Variants in GUCY2C observed in about 807,000 individuals in gnomAD.
GUCY2C encodes guanylate cyclase 2C, also known as guanylyl cyclase C.
Under a neutral mutation model 131.1 loss-of-function variants are expected in GUCY2C, and 118 were observed. The observed-to-expected ratio is 0.90, with a 90% CI of 0.78 to 1.05. The LOEUF (loss-of-function observed/expected upper bound fraction) is 1.05, where lower values mean the gene tolerates loss of function less well. Ranked by LOEUF, GUCY2C falls within the 50% of genes least tolerant of loss-of-function variation. The probability of loss-of-function intolerance (pLI) is 0.00; values close to 1 mark genes in which losing one functional copy is unlikely to be tolerated. For synonymous variants in GUCY2C, 452 were observed against 457.8 expected (o/e 0.99, Z 0.16); for missense variants, 1,161 against 1,304.4 (o/e 0.89, Z 1.69).
In GUCY2C at chr12:14,640,787, G is replaced by C. The variant is rs145536117; in HGVS notation, c.2068+295C>G. Among the ~76,000 whole-genome samples the C allele has an allele frequency of 2.3e-3, 349 of 152,280 alleles. 3 individuals are homozygous for C. The highest frequency in any genetic ancestry group is 8.0e-3 in the African/African-American group (333 of 41,538). The stretch of plus-strand genomic sequence containing the variant: ...TAGAGTGATCTAGTTTAGATGTTAA[G>C]CAGGTACATTCTCTTATTGGAATCA... On this transcript the variant is annotated intron_variant, in intron 18 of 26. Transcript: ENST00000261170.
At chr12:14,617,380 G>T (rs984429635) in intron 24 of GUCY2C, among the ~76,000 whole-genome samples, 1 of 152,104 alleles carries the variant, frequency 6.6e-6, no homozygotes, top group Non-Finnish European at 1.5e-5. Flanking sequence ...GGATCCCTAG[G>T]TTTTTCTCCA....
chr12:14,694,983 T>C (rs1948631395), intron 1 of GUCY2C, among the ~76,000 whole-genome samples: 1 of 152,180 alleles, frequency 6.6e-6, no homozygotes, highest in South Asian at 2.1e-4. Context: ...ATATATCTTA[T>C]CATATATATC....
At position 14,686,184 on chromosome 12, in the gene GUCY2C, A is replaced by G. The variant is rs749532144; in HGVS notation, c.372T>C (p.Cys124=). The G allele has an allele frequency of 1.9e-6, 3 of 1,606,006 alleles. No individual in the cohort carries two copies. Among genetic ancestry groups the G allele is most frequent in the Non-Finnish European group, 1.7e-6 (2 of 1,172,636 alleles). The part of the protein sequence containing the change: ...RMGCVLIGPS[C]TYSTFQMYLD... ...ACTACATCTGGAAGGTGGAGTATGT[A>G]CATGAGGGCCCTATGAGGACACAGC... Residue 124 remains cysteine (C), a synonymous_variant, in exon 3 of 27, where the codon TGT becomes TGC. Transcript: ENST00000261170.
At chr12:14,644,963 G>A (rs901917912) in intron 16 of GUCY2C, among the ~76,000 whole-genome samples, 4 of 151,800 alleles carry the variant, frequency 2.6e-5, no homozygotes, top group Admixed American at 6.6e-5. Context: ...CTGTGAAACT[G>A]CATGCCTCAC....
intron 5 of GUCY2C, 70 bp from the exon 6 acceptor site, chr12:14,679,823 GCCTGA>G: frequency 1.3e-6 from 1 of 776,494 alleles, no homozygotes; most frequent in Middle Eastern, 2.3e-4. Context: ...GGAACCAGTT[GCCTGA>G]ATTTGAATCC....
In GUCY2C at chr12:14,613,268, G is replaced by A. The variant is rs992078561; in HGVS notation, c.3071C>T (p.Ala1024Val). The stretch of plus-strand genomic sequence containing the variant: ...GTTGGCAATCATGTCTGAAAATTCT[G>A]CTTGCAAACGCTGTTGATTCTCCCT... ...PTVENQQRLQAEFSDMIANSL... is the reference protein window; with the variant it reads ...PTVENQQRLQVEFSDMIANSL... The change falls in exon 27 of 27, where the codon GCA (alanine) becomes GTA (valine). Residue 1024 changes from alanine to valine, a missense_variant. Transcript: ENST00000261170. The surrounding 1 kb of genome is among the most constrained non-coding windows in gnomAD (Gnocchi z 4.9). 6.2e-6 allele frequency: 10 copies of A among 1,613,050 alleles called. No individual in the cohort carries two copies. The highest frequency in any genetic ancestry group is 7.6e-6 in the Non-Finnish European group (9 of 1,179,228).
At chr12:14,652,376 T>C (rs982949702) in intron 13 of GUCY2C, among the ~76,000 whole-genome samples, 5 of 152,006 alleles carry the variant, frequency 3.3e-5, no homozygotes, top group Non-Finnish European at 5.9e-5. Flanking sequence ...GGTTTTGCCA[T>C]GTTGGCCGGC....
In GUCY2C at chr12:14,652,294, C is replaced by T. The variant is rs111887567; in HGVS notation, c.1534-264G>A. Among the ~76,000 whole-genome samples the T allele has an allele frequency of 0.025, 3,875 of 152,228 alleles. 102 individuals carry two copies. Among genetic ancestry groups the T allele is most frequent in the African/African-American group, 0.066 (2,745 of 41,518 alleles). ...GGTTCAAGCAATTCTCCTGCCTCAG[C>T]CTCCCCAGTAGCTGGGACTACAGGC... On this transcript the variant is annotated intron_variant, in intron 13 of 26. Transcript: ENST00000261170.
At chr12:14,687,323 A>C (rs776635732) in intron 2 of GUCY2C, among the ~76,000 whole-genome samples, 78 of 152,234 alleles carry the variant, frequency 5.1e-4, no homozygotes, top group Non-Finnish European at 8.8e-4. Context: ...ATTTAAATAA[A>C]GAAACTTAAA....
chr12:14,622,341 G>C (rs1946914468), intron 21 of GUCY2C, 144 bp from the exon 22 acceptor site: 2 of 563,208 alleles, frequency 3.6e-6, no homozygotes, highest in African/African-American at 3.8e-5. Flanking sequence ...GGAAACAGAG[G>C]TTGTGTATAT....
chr12:14,657,719 G>T (rs1592119563), intron 11 of GUCY2C, among the ~76,000 whole-genome samples: 1 of 152,154 alleles, frequency 6.6e-6, no homozygotes, highest in South Asian at 2.1e-4. Context: ...ACTAATGCCT[G>T]ATGATCTGAG....
At chr12:14,627,767 A>G (rs1224054520) in intron 20 of GUCY2C, among the ~76,000 whole-genome samples, 1 of 152,168 alleles carries the variant, frequency 6.6e-6, no homozygotes, top group Non-Finnish European at 1.5e-5. Context: ...CAGGACAGCG[A>G]GGAGAAAAAA....
chr12:14,615,675 T>A (rs1298214580), intron 25 of GUCY2C, among the ~76,000 whole-genome samples: 4 of 151,260 alleles, frequency 2.6e-5, no homozygotes, highest in Admixed American at 2.6e-4. Context: ...TAAACTCATT[T>A]AAAAAAGTAG....
chr12:14,641,853 C>T (rs1411413286), intron 17 of GUCY2C, among the ~76,000 whole-genome samples: 1 of 151,786 alleles, frequency 6.6e-6, no homozygotes, highest in African/African-American at 2.4e-5. Context: ...AGGAGAATTG[C>T]TTGAACCTGG....
chr12:14,639,806 C>T (rs1947355767), intron 19 of GUCY2C, 56 bp downstream of exon 19: 6 of 1,100,650 alleles, frequency 5.5e-6, no homozygotes, highest in African/African-American at 3.1e-5. Context: ...TAATCCATTA[C>T]ATTTATGGTA....
At chr12:14,666,652 T>C (rs1039813018) in intron 10 of GUCY2C, among the ~76,000 whole-genome samples, 2 of 151,392 alleles carry the variant, frequency 1.3e-5, no homozygotes, top group East Asian at 1.9e-4. Context: ...GGAGAATCGC[T>C]TGAATCCGGG....
chr12:14,660,928 T>G, intron 11 of GUCY2C, 53 bp downstream of exon 11: 1 of 1,158,518 alleles, frequency 8.6e-7, no homozygotes, highest in Non-Finnish European at 1.3e-6. Context: ...TCTCCCACTT[T>G]CCCTTCCTGC....
intron 10 of GUCY2C, chr12:14,665,545 GCTTT>G (rs1947961498): frequency 6.6e-6 from 1 of 151,826 alleles, no homozygotes; most frequent in African/African-American, 2.4e-5. Flanking sequence ...TTGGACTTGT[GCTTT>G]CTTTCTGATA....
chr12:14,634,522 A>G (rs1264448756), intron 19 of GUCY2C, among the ~76,000 whole-genome samples: 1 of 152,202 alleles, frequency 6.6e-6, no homozygotes, highest in Non-Finnish European at 1.5e-5. Context: ...AAAACCACAA[A>G]CCATAATGAA....
Sources: gnomAD v4.1 joint callset for allele counts (sites outside exome capture counted in the v4.1 genomes callset) on GRCh38, gnomAD v4.1.1 for gene constraint, Gnocchi (gnomAD v3.1) non-coding constraint, MANE v1.5 for transcripts, NCBI Gene and HGNC (gene_info 2026-07-23, HGNC 2026-07-21) for gene names.